The following NREP variants were observed in gnomAD, a reference collection of about 807,000 sequenced individuals.
NREP encodes neuronal regeneration related protein, also known as neuronal regeneration-related protein.
NREP carries 5 observed loss-of-function variants against 8.6 expected under a neutral mutation model. That is an observed-to-expected ratio of 0.58 (90% CI 0.30 to 1.22). NREP has a LOEUF of 1.22. Among genes scored for constraint, NREP ranks in the 50% most tolerant of loss-of-function variants. The probability of loss-of-function intolerance (pLI) is 0.07; values close to 1 mark genes in which losing one functional copy is unlikely to be tolerated. For missense variants in NREP, 86 were observed against 82.5 expected, an observed-to-expected ratio of 1.04 and a Z score of -0.17; for synonymous variants, 27 against 28.0, an observed-to-expected ratio of 0.96 and a Z score of 0.11.
In NREP at chr5:111,730,768, C is replaced by CTAT. The variant is rs1748475011; in HGVS notation, c.*150_*152dup. On this transcript the variant is annotated 3_prime_UTR_variant, in exon 4 of 4. Coordinates refer to ENST00000257435, the MANE Select transcript of NREP (RefSeq NM_004772.4). ...TGATTAAAAACTGGTTTGATGACACCTATTTGTCCACTGTAAATTCTCTAA... is the reference window on the plus strand; with the variant it reads ...TGATTAAAAACTGGTTTGATGACACCTATTATTTGTCCACTGTAAATTCTCTAA... The CTAT allele has an allele frequency of 1.2e-6, 1 of 827,184 alleles. No individual in the cohort carries two copies. Among genetic ancestry groups the CTAT allele is most frequent in the Non-Finnish European group, 1.9e-6 (1 of 536,530 alleles). 51.2% of individuals were successfully genotyped at this position (827,184 alleles called of 1,614,324 possible).
intron 2 of NREP, among the ~76,000 whole-genome samples, chr5:111,927,825 G>A (rs1218165937): frequency 6.6e-6 from 1 of 152,110 alleles, no homozygotes; most frequent in Non-Finnish European, 1.5e-5. Context: ...GAAAGGCAGA[G>A]GCCACAGATC....
At chr5:111,924,855 C>T (rs1159747975) in intron 2 of NREP, among the ~76,000 whole-genome samples, 2 of 152,112 alleles carry the variant, frequency 1.3e-5, no homozygotes, top group East Asian at 1.9e-4. Context: ...TATTGGTTTA[C>T]ACCAGTGGAA....
intron 2 of NREP, among the ~76,000 whole-genome samples, chr5:111,752,364 A>G (rs1192950590): frequency 6.6e-6 from 1 of 152,068 alleles, no homozygotes; most frequent in East Asian, 1.9e-4. Context: ...TCTCTCCCTC[A>G]CTGTTCACTG....
At chr5:111,771,080 AT>A (rs890771299) in intron 2 of NREP, among the ~76,000 whole-genome samples, 1 of 152,156 alleles carries the variant, frequency 6.6e-6, no homozygotes, top group Non-Finnish European at 1.5e-5. Flanking sequence ...ATATTTTATA[AT>A]TTTTTTCCTA....
chr5:111,866,756 C>A (rs1208373069), intron 2 of NREP, among the ~76,000 whole-genome samples: 1 of 151,984 alleles, frequency 6.6e-6, no homozygotes, highest in Non-Finnish European at 1.5e-5. Context: ...AAATGTCCAA[C>A]AATGATAGAC....
chr5:111,970,872 G>C (rs1756797430), intron 2 of NREP, among the ~76,000 whole-genome samples: 1 of 146,166 alleles, frequency 6.8e-6, no homozygotes, highest in South Asian at 2.2e-4. Context: ...AAGAAGTCTT[G>C]CTGGCCAGAG....
chr5:111,898,579 C>T (rs1001052585), intron 2 of NREP, among the ~76,000 whole-genome samples: 2 of 152,110 alleles, frequency 1.3e-5, no homozygotes, highest in East Asian at 3.9e-4. Flanking sequence ...AGACCAGAGA[C>T]AGGAATTTGG....
At chr5:111,728,984 G>A (rs1258341556), downstream of NREP, 1 of 152,168 alleles carries the variant, frequency 6.6e-6, no homozygotes, top group Non-Finnish European at 1.5e-5. Flanking sequence ...CAAGGAGTGA[G>A]AAAGAGTAAG....
intron 2 of NREP, among the ~76,000 whole-genome samples, chr5:111,961,043 G>A (rs1478562762): frequency 6.6e-6 from 1 of 152,196 alleles, no homozygotes; most frequent in Non-Finnish European, 1.5e-5. Flanking sequence ...TCTGCCCATT[G>A]ACAAATTACT....
In NREP at chr5:111,730,141, C is replaced by G. The variant is rs147612192; in HGVS notation, c.*780G>C. 6.6e-6 allele frequency: 1 copy of G among 152,594 alleles called. No individual in the cohort carries two copies. Among genetic ancestry groups the G allele is most frequent in the Admixed American group, 6.5e-5 (1 of 15,276 alleles). 9.5% of individuals were successfully genotyped at this position (152,594 alleles called of 1,614,324 possible). On this transcript the variant is annotated 3_prime_UTR_variant, in exon 4 of 4. Coordinates refer to ENST00000257435, the MANE Select transcript of NREP (RefSeq NM_004772.4). ...GCTACCGTGACTGCATGTCCGTGAG[C>G]GCCAGCCAACGAGACAATGGTCTCT...
intron 2 of NREP, among the ~76,000 whole-genome samples, chr5:111,752,059 G>A (rs938456880): frequency 1.1e-4 from 17 of 152,102 alleles, no homozygotes; most frequent in Admixed American, 1.1e-3. Context: ...CACTCATTTG[G>A]TTTAGCAGAG....
chr5:111,752,397 T>C (rs80180175), intron 2 of NREP, among the ~76,000 whole-genome samples: 5,066 of 152,236 alleles, frequency 0.033, 282 homozygotes, highest in African/African-American at 0.11. Flanking sequence ...AAAAAGACAG[T>C]ACCATATAAA....
intron 1 of NREP, chr5:111,756,307 A>AG: frequency 2.4e-6 from 2 of 818,392 alleles, no homozygotes; most frequent in Non-Finnish European, 2.9e-6. Context: ...AAAAAAAAAA[A>AG]AAAAACCCTA....
At chr5:111,966,863 T>C (rs925176244) in intron 2 of NREP, among the ~76,000 whole-genome samples, 2 of 152,204 alleles carry the variant, frequency 1.3e-5, no homozygotes, top group Non-Finnish European at 2.9e-5. Context: ...CATAAGTCAG[T>C]TGTGGTAGTT....
In NREP at chr5:111,729,867, T is replaced by TAATA. The variant is rs1748394631; in HGVS notation, c.*1050_*1053dup. 1.3e-5 allele frequency: 2 copies of TAATA among 152,646 alleles called. No individual in the cohort carries two copies. Among genetic ancestry groups the TAATA allele is most frequent in the African/African-American group, 4.8e-5 (2 of 41,464 alleles). The allele number at this position is 152,646 out of a possible 1,614,324, so 9.5% of individuals were successfully genotyped here. On this transcript the variant is annotated 3_prime_UTR_variant, in exon 4 of 4. Transcript: ENST00000257435. ...ATTTTGTAGACCTTGTTTTCCAATT[T>TAATA]AATATTTGGAAAAGGTGTCATTTTC...
chr5:111,935,779 A>G (rs936385448), intron 2 of NREP, among the ~76,000 whole-genome samples: 2 of 152,112 alleles, frequency 1.3e-5, no homozygotes, highest in African/African-American at 4.8e-5. Context: ...CTATCATTTT[A>G]ATGGTATGCC....
chr5:111,772,965 G>T lies in NREP; in HGVS notation c.136-37458C>A, dbSNP rs909764225. 1.6e-4 allele frequency among the ~76,000 whole-genome samples: 24 copies of T among 152,012 alleles called. 1 individual carries two copies. The highest frequency in any genetic ancestry group is 1.5e-5 in the Non-Finnish European group (1 of 67,994). On this transcript the variant is annotated intron_variant, in intron 2 of 3. Coordinates refer to the NREP transcript ENST00000395634. ...ATGATATTCAAATGTTCCATTTTAG[G>T]TTCCGTGTTTATCTGTTTTCAACTA... is the stretch of plus-strand genomic sequence containing the variant.
intron 3 of NREP, chr5:111,732,480 G>C (rs1748680987): frequency 6.6e-6 from 1 of 151,758 alleles, no homozygotes. Context: ...GATTTTAGAG[G>C]TTGTTTTGGT....
chr5:111,740,205 A>G (rs1749529711), intron 2 of NREP, among the ~76,000 whole-genome samples: 1 of 152,172 alleles, frequency 6.6e-6, no homozygotes, highest in Non-Finnish European at 1.5e-5. Flanking sequence ...AACGTCATAA[A>G]GAACCACACT....
Sources: allele counts gnomAD v4.1 joint callset (sites outside exome capture counted in the v4.1 genomes callset), GRCh38; gene constraint gnomAD v4.1.1; transcripts MANE v1.5; gene names NCBI Gene and HGNC (gene_info 2026-07-23, HGNC 2026-07-21).